Variants in EPB41L1 observed in about 807,000 individuals in gnomAD.
EPB41L1 encodes the protein band 4.1-like protein 1.
In EPB41L1, 29 loss-of-function variants were observed where a neutral mutation model predicts 97.8. The observed-to-expected ratio is 0.30, with a 90% CI of 0.22 to 0.40. The LOEUF (loss-of-function observed/expected upper bound fraction) is 0.40. EPB41L1 is among the 10% of genes least tolerant of loss of function. EPB41L1 has a pLI of 1.00. For missense variants in EPB41L1, 812 were observed against 1,162.3 expected (o/e 0.70, Z 4.38); for synonymous variants, 383 against 459.2 (o/e 0.83, Z 2.12).
intron 1 of EPB41L1, among the ~76,000 whole-genome samples, chr20:36,159,051 T>C (rs1057048881): frequency 2.0e-5 from 3 of 152,036 alleles, no homozygotes; most frequent in Non-Finnish European, 4.4e-5. Flanking sequence ...TGGGGAGGGA[T>C]CAAGATTGGC....
upstream of EPB41L1, among the ~76,000 whole-genome samples, chr20:36,153,382 G>A (rs974869968): frequency 6.6e-6 from 1 of 152,078 alleles, no homozygotes; most frequent in Non-Finnish European, 1.5e-5. Flanking sequence ...AAGGATGGAG[G>A]GCTCAGCTCA....
intron 14 of EPB41L1, chr20:36,208,493 T>C (rs1313897910): frequency 3.4e-6 from 1 of 293,618 alleles, no homozygotes; most frequent in East Asian, 1.1e-4. Flanking sequence ...CCACCTGCTG[T>C]GGCAGCACCT....
At position 36,093,481 on chromosome 20, in the gene EPB41L1, G is replaced by A. The variant is rs921880456; in HGVS notation, c.-65+1869G>A. On this transcript the variant is annotated intron_variant, in intron 1 of 19. Transcript: ENST00000202028. The surrounding 1 kb of genome is among the most constrained non-coding windows in gnomAD (Gnocchi z 5.4). ...CGGTGGGGGCGGCGGTCCAGGCGCC[G>A]CCGCCGCTGGGAGCTGGGCACCTGG... Among the ~76,000 whole-genome samples the A allele has an allele frequency of 6.6e-6, 1 of 151,782 alleles. No homozygotes were observed. Among genetic ancestry groups the A allele is most frequent in the African/African-American group, 2.4e-5 (1 of 41,350 alleles).
In EPB41L1 at chr20:36,178,031, C is replaced by T. The variant is rs2061323064; in HGVS notation, c.422C>T (p.Thr141Ile). 1 of 1,614,002 alleles carries T rather than the reference C, an allele frequency of 6.2e-7. No homozygotes were observed. The highest frequency in any genetic ancestry group is 1.3e-5 in the African/African-American group (1 of 74,926). ...CTAGAGAAGGACTACTTCGGCCTGA[C>T]CTTCTGTGATGCTGACAGCCAGAAG... ...NLLEKDYFGL[T>I]FCDADSQKNW... The change falls in exon 4 of 22, where the codon ACC (threonine) becomes ATC (isoleucine). Residue 141 changes from threonine (T) to isoleucine (I), a missense_variant. This residue lies in a region of EPB41L1 where 230 missense variants were observed against 445.2 expected (regional missense o/e 0.52). Coordinates refer to ENST00000338074, the MANE Select transcript of EPB41L1 (RefSeq NM_012156.2).
intron 1 of EPB41L1, chr20:36,110,652 C>CACACAT (rs1555829849): frequency 1.8e-4 from 27 of 153,598 alleles, no homozygotes; most frequent in African/African-American, 6.3e-4. Flanking sequence ...CACACACACA[C>CACACAT]ACACACACAC....
intron 2 of EPB41L1, among the ~76,000 whole-genome samples, chr20:36,137,928 A>C (rs945433644): frequency 1.3e-5 from 2 of 152,212 alleles, no homozygotes; most frequent in African/African-American, 4.8e-5. Context: ...CTGTAACTGC[A>C]AATTGGACTA....
intron 1 of EPB41L1, among the ~76,000 whole-genome samples, chr20:36,100,169 A>G (rs528145799): frequency 1.7e-4 from 26 of 152,334 alleles, no homozygotes; most frequent in African/African-American, 6.0e-4. Context: ...GCTCTGGGAA[A>G]GAGAGAGGGC....
intron 2 of EPB41L1, among the ~76,000 whole-genome samples, chr20:36,138,203 G>C (rs938223257): frequency 6.6e-6 from 1 of 151,720 alleles, no homozygotes; most frequent in Non-Finnish European, 1.5e-5. Context: ...TTGACACCTT[G>C]CTTTCAATTA....
intron 2 of EPB41L1, among the ~76,000 whole-genome samples, chr20:36,148,575 T>C (rs1414741409): frequency 6.6e-6 from 1 of 152,190 alleles, no homozygotes; most frequent in Non-Finnish European, 1.5e-5. Flanking sequence ...TTTGAGTTGC[T>C]TCATCAGAGA....
chr20:36,222,193 G>T (rs912554028), intron 20 of EPB41L1, 85 bp from the exon 21 acceptor site: 25 of 1,256,752 alleles, frequency 2.0e-5, no homozygotes, highest in Non-Finnish European at 2.7e-5. Context: ...TTTTCCAGCT[G>T]TGCACTAGAG....
intron 1 of EPB41L1, among the ~76,000 whole-genome samples, chr20:36,094,060 T>C (rs1363720845): frequency 6.6e-6 from 1 of 152,222 alleles, no homozygotes; most frequent in East Asian, 1.9e-4. Context: ...TCCATACCCC[T>C]TTCTCCAAGT....
intron 2 of EPB41L1, among the ~76,000 whole-genome samples, chr20:36,131,032 A>G (rs1228997807): frequency 4.0e-5 from 6 of 149,514 alleles, no homozygotes; most frequent in African/African-American, 1.5e-4. Context: ...CTGGAGTGCA[A>G]TGGCTCAATC....
Position 36,229,614 on chromosome 20 carries a change from G to T in EPB41L1, c.*274G>T. 1 of 331,204 alleles carries T rather than the reference G, an allele frequency of 3.0e-6. No individual in the cohort carries two copies. The highest frequency in any genetic ancestry group is 5.5e-6 in the Non-Finnish European group (1 of 182,780). 20.5% of individuals were successfully genotyped at this position (331,204 alleles called of 1,614,324 possible). A position where few individuals can be genotyped will look rare whatever the true frequency, so the allele number is the denominator to read the frequency against. On this transcript the variant is annotated 3_prime_UTR_variant, in exon 22 of 22. Transcript: ENST00000338074. ...ACATCTGAACACCTACATTTCCTTT[G>T]CAGACAAATTGAAGAACTGGTGGGA...
intron 21 of EPB41L1, 33 bp from the exon 22 acceptor site, chr20:36,229,298 AC>A (rs779387549): frequency 9.2e-6 from 8 of 871,424 alleles, no homozygotes; most frequent in Non-Finnish European, 1.3e-5. Context: ...CCCACTCCCC[AC>A]CCCCCATTCT....
At position 36,129,930 on chromosome 20, in the gene EPB41L1, GTTTGTTTTTTTTT is replaced by G. The variant is rs1322519783; in HGVS notation, c.-10+17468_-10+17480del. Among the ~76,000 whole-genome samples the G allele has an allele frequency of 1.4e-4, 20 of 145,570 alleles. No individual in the cohort carries two copies. The East Asian group carries it at 1.6e-3, about 12-fold the overall frequency. On this transcript the variant is annotated intron_variant, in intron 2 of 19. Transcript: ENST00000202028. ...CAGAGTGTGCCACTGCACCCGGCAGGTTTGTTTTTTTTTTTTGTTTTTTTTTTTTGAGACGGAG... is the reference window on the plus strand; with the variant it reads ...CAGAGTGTGCCACTGCACCCGGCAGGTTTGTTTTTTTTTTTTGAGACGGAG...
intron 2 of EPB41L1, among the ~76,000 whole-genome samples, chr20:36,129,947 G>GTT (rs1338546780): frequency 6.9e-4 from 88 of 127,782 alleles, no homozygotes; most frequent in African/African-American, 1.7e-3. Flanking sequence ...TTTTTTTTTT[G>GTT]TTTTTTTTTT....
chr20:36,150,443 C>T (rs1001111052), upstream of EPB41L1: 15 of 152,106 alleles, frequency 9.9e-5, no homozygotes, highest in Admixed American at 9.2e-4. Flanking sequence ...TTTGAACGAG[C>T]CACATTTCAA....
intron 1 of EPB41L1, among the ~76,000 whole-genome samples, chr20:36,107,211 CTTTTTTTTTTT>C (rs397864874): frequency 8.8e-6 from 1 of 114,228 alleles, no homozygotes; most frequent in Non-Finnish European, 1.7e-5. Context: ...GAGAATATAC[CTTTTTTTTTTT>C]TTTTTTTTTT....
rs1255234054 is a variant in EPB41L1 at position 36,190,899 on chromosome 20, C to T, written c.1300+102C>T. Reference sequence around the variant, plus strand: ...AGAATGAGCAGGAAAATGGTAGATGCATCCCAAGTTCATCTGCACCAGGCT... The same window carrying T: ...AGAATGAGCAGGAAAATGGTAGATGTATCCCAAGTTCATCTGCACCAGGCT... On this transcript the variant is annotated intron_variant, in intron 11 of 21. Transcript: ENST00000338074. The surrounding 1 kb of genome is among the most constrained non-coding windows in gnomAD (Gnocchi z 5.8). The T allele has an allele frequency of 1.2e-5, 18 of 1,472,704 alleles. No individual in the cohort carries two copies. Among genetic ancestry groups the T allele is most frequent in the Non-Finnish European group, 1.7e-5 (18 of 1,083,310 alleles). The allele number at this position is 1,472,704 out of a possible 1,614,324, so 91.2% of individuals were successfully genotyped here. A position where few individuals can be genotyped will look rare whatever the true frequency, so the allele number is the denominator to read the frequency against.
Sources: gnomAD v4.1 joint callset for allele counts (sites outside exome capture counted in the v4.1 genomes callset) on GRCh38, gnomAD v4.1.1 for gene constraint, gnomAD v4.1.1 regional missense constraint, Gnocchi (gnomAD v3.1) non-coding constraint, MANE v1.5 for transcripts, NCBI Gene and HGNC (gene_info 2026-07-23, HGNC 2026-07-21) for gene names.